Variants in KSR2 observed in about 807,000 individuals in gnomAD.
The protein encoded by KSR2 is kinase suppressor of ras 2.
KSR2 carries 25 observed loss-of-function variants against 107.8 expected under a neutral mutation model. That is an observed-to-expected ratio of 0.23 (90% CI 0.17 to 0.32). The LOEUF (loss-of-function observed/expected upper bound fraction) is 0.32. Ranked by LOEUF, KSR2 falls within the 10% of genes least tolerant of loss-of-function variation. KSR2 has a pLI of 1.00. For missense variants in KSR2, 887 were observed against 1,268.9 expected, an observed-to-expected ratio of 0.70 and a Z score of 4.57; for synonymous variants, 480 against 507.0, an observed-to-expected ratio of 0.95 and a Z score of 0.71.
At chr12:117,600,879 A>T (rs555941849) in intron 5 of KSR2, among the ~76,000 whole-genome samples, 15 of 152,232 alleles carry the variant, frequency 9.9e-5, no homozygotes, top group African/African-American at 3.6e-4. Flanking sequence ...TGGTAAAGGC[A>T]TGGGGGTCGA....
chr12:117,717,477 C>T (rs570088257), intron 4 of KSR2, among the ~76,000 whole-genome samples: 1 of 152,232 alleles, frequency 6.6e-6, no homozygotes, highest in South Asian at 2.1e-4. Context: ...CGAGATTACA[C>T]CGCTGCACTC....
intron 7 of KSR2, among the ~76,000 whole-genome samples, chr12:117,561,832 G>T (rs1288605753): frequency 2.6e-5 from 4 of 152,148 alleles, no homozygotes; most frequent in Non-Finnish European, 5.9e-5. Flanking sequence ...CAGCCCCCAT[G>T]GGAAAGCTCA....
chr12:117,932,636 A>G (rs1189563933), intron 1 of KSR2, among the ~76,000 whole-genome samples: 1 of 151,130 alleles, frequency 6.6e-6, no homozygotes, highest in East Asian at 2.0e-4. Flanking sequence ...GTGAGAGGAT[A>G]ACCTGAGCCC....
chr12:117,873,396 G>C (rs1893717022), intron 1 of KSR2, among the ~76,000 whole-genome samples: 1 of 149,650 alleles, frequency 6.7e-6, no homozygotes, highest in South Asian at 2.1e-4. Flanking sequence ...TAATAATAAT[G>C]GGAGCTCCAC....
intron 3 of KSR2, among the ~76,000 whole-genome samples, chr12:117,846,718 G>A (rs1165230243): frequency 6.6e-6 from 1 of 152,268 alleles, no homozygotes; most frequent in African/African-American, 2.4e-5. Flanking sequence ...TAGGGCAGCT[G>A]CTAGCCACCT....
intron 5 of KSR2, among the ~76,000 whole-genome samples, chr12:117,590,993 G>A (rs551819934): frequency 1.0e-3 from 157 of 152,224 alleles, no homozygotes; most frequent in African/African-American, 3.7e-3. Context: ...GCCAAAATAC[G>A]TATAACCACT....
intron 1 of KSR2, among the ~76,000 whole-genome samples, chr12:117,949,973 C>T (rs909191477): frequency 1.4e-5 from 2 of 146,310 alleles, no homozygotes; most frequent in African/African-American, 5.0e-5. Flanking sequence ...CTGCAATTTA[C>T]TTTTTTTTTT....
At chr12:117,535,629 TG>T (rs1875996928) in intron 10 of KSR2, among the ~76,000 whole-genome samples, 3 of 151,618 alleles carry the variant, frequency 2.0e-5, no homozygotes, top group Non-Finnish European at 4.4e-5. Context: ...TGTGTGTGTG[TG>T]TGTGTGTGTG....
Position 117,512,204 on chromosome 12 carries a change from C to T in KSR2, c.2219+12648G>A, listed in dbSNP as rs543073414. On this transcript the variant is annotated intron_variant, in intron 14 of 19. Coordinates refer to ENST00000339824, the MANE Select transcript of KSR2 (RefSeq NM_173598.6). ...TTAAGGCTGCAAGAATTCTGAGGGA[C>T]GTTTTTCTAGTTGCATCCCATTTGT... Among the ~76,000 whole-genome samples the T allele has an allele frequency of 5.0e-4, 76 of 152,310 alleles. No homozygotes were observed. The South Asian group carries it at 0.015, about 30-fold the overall frequency.
At chr12:117,619,335 A>G (rs1366082293) in intron 5 of KSR2, among the ~76,000 whole-genome samples, 1 of 151,840 alleles carries the variant, frequency 6.6e-6, no homozygotes, top group East Asian at 1.9e-4. Context: ...AACATTAGGT[A>G]TATCTCCAAA....
chr12:117,498,270 G>A (rs1873163451), intron 14 of KSR2, among the ~76,000 whole-genome samples: 1 of 152,128 alleles, frequency 6.6e-6, no homozygotes, highest in South Asian at 2.1e-4. Context: ...GAGCTCAGCT[G>A]AGACTACCCC....
chr12:117,618,093 A>G (rs1177305596), intron 5 of KSR2, among the ~76,000 whole-genome samples: 1 of 152,138 alleles, frequency 6.6e-6, no homozygotes, highest in Non-Finnish European at 1.5e-5. Flanking sequence ...TAAAAATTTG[A>G]GGAGATAATT....
rs1472487329 is a variant in KSR2 at position 117,565,922 on chromosome 12, C to CAA, written c.1326-7350_1326-7349insTT. 3.3e-5 allele frequency among the ~76,000 whole-genome samples: 5 copies of CAA among 152,268 alleles called. No individual in the cohort carries two copies. In the East Asian group the frequency reaches 9.7e-4, roughly 29 times the overall value. Reference sequence around the variant, plus strand: ...AGTTTAAGACTTGAAGTTTAAGACTCTTTTTAACTGTTACTTTTCCCCCCA... The same window carrying CAA: ...AGTTTAAGACTTGAAGTTTAAGACTCAATTTTTAACTGTTACTTTTCCCCCCA... On this transcript the variant is annotated intron_variant, in intron 7 of 19. Transcript: ENST00000339824.
intron 7 of KSR2, among the ~76,000 whole-genome samples, chr12:117,561,831 TG>T (rs1393802180): frequency 6.6e-6 from 1 of 152,164 alleles, no homozygotes; most frequent in Non-Finnish European, 1.5e-5. Context: ...CCAGCCCCCA[TG>T]GGAAAGCTCA....
At chr12:117,734,414 C>T (rs936389323) in intron 4 of KSR2, among the ~76,000 whole-genome samples, 1 of 152,020 alleles carries the variant, frequency 6.6e-6, no homozygotes, top group Non-Finnish European at 1.5e-5. Flanking sequence ...AAAATGTCTC[C>T]TGGGGAGCTT....
At chr12:117,589,526 C>T (rs1880198666) in intron 5 of KSR2, among the ~76,000 whole-genome samples, 1 of 152,194 alleles carries the variant, frequency 6.6e-6, no homozygotes, top group Non-Finnish European at 1.5e-5. Context: ...TGAGTGAGAA[C>T]TCAGCAGAGG....
chr12:117,540,564 TG>T (rs1876411795), intron 9 of KSR2, among the ~76,000 whole-genome samples: 1 of 152,242 alleles, frequency 6.6e-6, no homozygotes. Flanking sequence ...GAGATCATCG[TG>T]GATTCGGGTG....
intron 5 of KSR2, among the ~76,000 whole-genome samples, chr12:117,594,491 A>T (rs998998360): frequency 3.9e-5 from 6 of 152,200 alleles, no homozygotes; most frequent in African/African-American, 1.4e-4. Flanking sequence ...CATATTCCAA[A>T]GCCAGTCTTT....
intron 1 of KSR2, among the ~76,000 whole-genome samples, chr12:117,924,190 T>A (rs1895434364): frequency 6.6e-6 from 1 of 151,888 alleles, no homozygotes; most frequent in South Asian, 2.1e-4. Context: ...TATTTGCTTT[T>A]TTAATAGAGG....
Sources: allele counts gnomAD v4.1 joint callset (sites outside exome capture counted in the v4.1 genomes callset), GRCh38; gene constraint gnomAD v4.1.1; transcripts MANE v1.5; gene names NCBI Gene and HGNC (gene_info 2026-07-23, HGNC 2026-07-21).